The following NEDD4L variants were observed in gnomAD, a reference collection of about 807,000 sequenced individuals.
The protein encoded by NEDD4L is NEDD4 like E3 ubiquitin protein ligase, also known as E3 ubiquitin-protein ligase NEDD4-like.
Under a neutral mutation model 148.9 loss-of-function variants are expected in NEDD4L, and 54 were observed. That is an observed-to-expected ratio of 0.36 (90% CI 0.29 to 0.45). The LOEUF (loss-of-function observed/expected upper bound fraction) is 0.45. Among genes scored for constraint, NEDD4L ranks in the 20% least tolerant of loss-of-function variants. The pLI, the probability that NEDD4L is intolerant of heterozygous loss-of-function variation, is 1.00. For missense variants in NEDD4L, 856 were observed against 1,233.8 expected, an observed-to-expected ratio of 0.69 and a Z score of 4.59; for synonymous variants, 433 against 440.7, an observed-to-expected ratio of 0.98 and a Z score of 0.22.
At chr18:58,364,138 T>C in intron 19 of NEDD4L, 130 bp from the exon 20 acceptor site, 2 of 667,050 alleles carry the variant, frequency 3.0e-6, no homozygotes, top group South Asian at 1.7e-5. Context: ...ATCTAATTTT[T>C]CCATGGATAA....
At chr18:58,135,192 C>T (rs908154680) in intron 1 of NEDD4L, among the ~76,000 whole-genome samples, 4 of 151,486 alleles carry the variant, frequency 2.6e-5, no homozygotes, top group African/African-American at 7.3e-5. Context: ...AAACAGTACA[C>T]GATGAATGGA....
chr18:58,290,075 A>T (rs2054500036), intron 5 of NEDD4L, among the ~76,000 whole-genome samples: 1 of 152,260 alleles, frequency 6.6e-6, no homozygotes, highest in South Asian at 2.1e-4. Context: ...CAATGATCAG[A>T]TATTTTACTG....
intron 16 of NEDD4L, among the ~76,000 whole-genome samples, chr18:58,347,924 G>A (rs1197016939): frequency 6.6e-6 from 1 of 151,706 alleles, no homozygotes; most frequent in Non-Finnish European, 1.5e-5. Flanking sequence ...TGTCTTCACA[G>A]TTTACTTTTT....
intron 1 of NEDD4L, among the ~76,000 whole-genome samples, chr18:58,125,956 C>T (rs897690649): frequency 2.6e-4 from 40 of 152,262 alleles, no homozygotes; most frequent in African/African-American, 9.2e-4. Context: ...ATCCGTCTGC[C>T]TGGCGCACGC....
chr18:58,376,953 C>G (rs1280533740), intron 24 of NEDD4L, among the ~76,000 whole-genome samples: 2 of 152,220 alleles, frequency 1.3e-5, no homozygotes, highest in Admixed American at 1.3e-4. Context: ...GTTCAGGTGT[C>G]CCTTCATCAG....
chr18:58,127,180 C>T (rs1480088051), intron 1 of NEDD4L, among the ~76,000 whole-genome samples: 1 of 152,214 alleles, frequency 6.6e-6, no homozygotes, highest in Non-Finnish European at 1.5e-5. Context: ...CCACACCAGG[C>T]TAGATTCCAG....
rs373553230 is a variant in NEDD4L at position 58,165,797 on chromosome 18, C to T, written c.58C>T (p.Arg20Cys). The change falls in exon 2 of 31, where the codon CGT becomes TGT. Residue 20 changes from arginine (R) to cysteine (C), a missense_variant. By Grantham distance (180) the Arg-to-Cys change is radical (BLOSUM62 -3). Transcript: ENST00000400345. ...YGLSEDEGES[R>C]ILRVKVVSGI... ...GTTCTCCTTCTCACAGGGAGAGTCC[C>T]GTATTCTCAGAGTAAAAGTTGTTTC... The T allele has an allele frequency of 7.0e-5, 113 of 1,610,392 alleles. No homozygotes were observed. The highest frequency in any genetic ancestry group is 1.7e-4 in the Middle Eastern group (1 of 6,056).
At chr18:58,125,785 A>C (rs916110524) in intron 1 of NEDD4L, among the ~76,000 whole-genome samples, 3 of 152,276 alleles carry the variant, frequency 2.0e-5, no homozygotes, top group Non-Finnish European at 2.9e-5. Context: ...ACATGTAATC[A>C]GTATTCACAC....
At chr18:58,258,548 C>CTTT (rs1319410057) in intron 5 of NEDD4L, among the ~76,000 whole-genome samples, 4 of 152,134 alleles carry the variant, frequency 2.6e-5, no homozygotes, top group East Asian at 3.8e-4. Flanking sequence ...GTGTACCTTG[C>CTTT]TTAAAAGGGC....
Position 58,340,893 on chromosome 18 carries a change from C to G in NEDD4L, c.1126-145C>G, listed in dbSNP as rs535378453. The G allele has an allele frequency of 7.0e-5, 55 of 785,566 alleles. No homozygotes were observed. In the Middle Eastern group the frequency reaches 1.0e-3, roughly 15 times the overall value. The allele number at this position is 785,566 out of a possible 1,614,324, so 48.7% of individuals were successfully genotyped here. ...GCTGTTGGAAATCTATTGCTGTTTT[C>G]CAGACACTTGTAAGTGTTTTCTATA... On this transcript the variant is annotated intron_variant, in intron 13 of 30. Transcript: ENST00000400345.
chr18:58,180,865 G>A lies in NEDD4L; in HGVS notation c.122+15004G>A, dbSNP rs2146968174. ...ATTAGAAGGCAGGTGTACAGCCTCT[G>A]TCACCTGAAGACCTCTTAACTGTCT... On this transcript the variant is annotated intron_variant, in intron 2 of 30. Coordinates refer to ENST00000400345, the MANE Select transcript of NEDD4L (RefSeq NM_001144967.3). Among the ~76,000 whole-genome samples, 3 of 152,344 alleles carry A rather than the reference G, an allele frequency of 2.0e-5. No homozygotes were observed. In the South Asian group the frequency reaches 6.2e-4, roughly 32 times the overall value.
chr18:58,060,008 G>T (rs9965250), intron 1 of NEDD4L, among the ~76,000 whole-genome samples: 77,718 of 151,774 alleles, frequency 0.51, 22,268 homozygotes, highest in East Asian at 0.85. Context: ...TAAATAACTT[G>T]CCCAGGGTCA....
intron 5 of NEDD4L, among the ~76,000 whole-genome samples, chr18:58,266,219 G>C (rs575352053): frequency 8.4e-4 from 128 of 152,076 alleles, no homozygotes; most frequent in African/African-American, 3.0e-3. Context: ...ATTAAATTCA[G>C]GATAGATAAT....
intron 1 of NEDD4L, among the ~76,000 whole-genome samples, chr18:58,071,974 T>A (rs1007722108): frequency 6.6e-6 from 1 of 152,164 alleles, no homozygotes; most frequent in Non-Finnish European, 1.5e-5. Flanking sequence ...GAGATTTGGG[T>A]GGGGACACAG....
chr18:58,108,691 G>A lies in NEDD4L; in HGVS notation c.49-57097G>A, dbSNP rs151329502. Among the ~76,000 whole-genome samples, 518 of 152,284 alleles carry A rather than the reference G, an allele frequency of 3.4e-3. 5 individuals carry two copies. The highest frequency in any genetic ancestry group is 0.011 in the African/African-American group (472 of 41,560). ...CCACCTCGGCCCCCCAAAGTGTTGC[G>A]ATTACAGGCATGAGCCACCGTGCCC... is the stretch of plus-strand genomic sequence containing the variant. On this transcript the variant is annotated intron_variant, in intron 1 of 30. Transcript: ENST00000400345.
At chr18:58,046,296 C>T (rs1220714852) in intron 1 of NEDD4L, 1 of 151,972 alleles carries the variant, frequency 6.6e-6, no homozygotes, top group Non-Finnish European at 1.5e-5. Context: ...AGGAGCTTTC[C>T]CTTGCATCCT....
At chr18:58,294,482 G>A (rs1013763300) in intron 5 of NEDD4L, among the ~76,000 whole-genome samples, 3 of 152,120 alleles carry the variant, frequency 2.0e-5, no homozygotes, top group Admixed American at 2.0e-4. Context: ...TGGCAGCCCT[G>A]GAATGAACAG....
At chr18:58,176,097 T>C (rs897613409) in intron 2 of NEDD4L, among the ~76,000 whole-genome samples, 3 of 151,846 alleles carry the variant, frequency 2.0e-5, no homozygotes, top group Non-Finnish European at 4.4e-5. Context: ...ATGCAGGGAA[T>C]ATATGATCAG....
At chr18:58,085,181 G>A (rs1396431993) in intron 1 of NEDD4L, among the ~76,000 whole-genome samples, 1 of 152,206 alleles carries the variant, frequency 6.6e-6, no homozygotes, top group Non-Finnish European at 1.5e-5. Flanking sequence ...TGTGAATTCT[G>A]GGGGAACATG....
Sources: gnomAD v4.1 joint callset for allele counts (sites outside exome capture counted in the v4.1 genomes callset) on GRCh38, gnomAD v4.1.1 for gene constraint, MANE v1.5 for transcripts, NCBI Gene and HGNC (gene_info 2026-07-23, HGNC 2026-07-21) for gene names.